Variants in PRTG observed in about 807,000 individuals in gnomAD.
PRTG encodes immunoglobulin superfamily, DCC subclass, member 5.
PRTG carries 67 observed loss-of-function variants against 122.5 expected under a neutral mutation model. The observed-to-expected ratio is 0.55, with a 90% CI of 0.45 to 0.67. The LOEUF is 0.67. PRTG is among the 30% of genes least tolerant of loss of function. The pLI is 0.00. For synonymous variants in PRTG, 554 were observed against 501.1 expected (o/e 1.11, Z -1.41); for missense variants, 1,435 against 1,415.4 (o/e 1.01, Z -0.22).
At chr15:55,649,821 A>G (rs1283373255) in intron 11 of PRTG, among the ~76,000 whole-genome samples, 4 of 80,876 alleles carry the variant, frequency 4.9e-5, no homozygotes, top group Non-Finnish European at 1.2e-4. Flanking sequence ...AAATAAATAA[A>G]TAAATAAATA....
At chr15:55,713,618 T>C (rs1362340810) in intron 2 of PRTG, among the ~76,000 whole-genome samples, 2 of 152,224 alleles carry the variant, frequency 1.3e-5, no homozygotes, top group Non-Finnish European at 2.9e-5. Context: ...TTTTTGTCAA[T>C]TTACTGGATG....
At chr15:55,659,131 G>C (rs1399801532) in intron 11 of PRTG, among the ~76,000 whole-genome samples, 2 of 152,030 alleles carry the variant, frequency 1.3e-5, no homozygotes, top group Non-Finnish European at 2.9e-5. Flanking sequence ...CTAATTCAAG[G>C]GGCCTCCTCT....
At chr15:55,690,956 T>A (rs1221986422) in intron 2 of PRTG, among the ~76,000 whole-genome samples, 1 of 152,142 alleles carries the variant, frequency 6.6e-6, no homozygotes, top group Non-Finnish European at 1.5e-5. Flanking sequence ...GGTAGTCAAC[T>A]TCCAAGACCC....
chr15:55,641,235 T>C (rs369581784), intron 11 of PRTG, 27 bp from the exon 12 acceptor site: 3 of 1,515,890 alleles, frequency 2.0e-6, no homozygotes, highest in Non-Finnish European at 2.7e-6. Context: ...AGGAAATAAT[T>C]AGGACCAGGT....
chr15:55,655,592 G>C (rs2059375127), intron 11 of PRTG: 1 of 152,258 alleles, frequency 6.6e-6, no homozygotes, highest in African/African-American at 2.4e-5. Context: ...TTCCTCAAGT[G>C]GGCTTTGGAC....
intron 2 of PRTG, among the ~76,000 whole-genome samples, chr15:55,722,612 G>A (rs571172139): frequency 7.2e-5 from 11 of 152,324 alleles, no homozygotes; most frequent in African/African-American, 1.9e-4. Context: ...GAACTCAGTC[G>A]TCAAGATTAG....
intron 2 of PRTG, among the ~76,000 whole-genome samples, chr15:55,729,570 T>A (rs1407420220): frequency 6.6e-6 from 1 of 151,830 alleles, no homozygotes; most frequent in Non-Finnish European, 1.5e-5. Context: ...AGCCTGGGCA[T>A]AGCAAGATTC....
rs7179697 is a variant in PRTG at position 55,679,187 on chromosome 15, A to T, written c.1133+99T>A. ...AGTTTCATTTTGTTAATAACTATCA[A>T]GATAATTTAGGTATTTGATATTATT... On this transcript the variant is annotated intron_variant, in intron 7 of 19. Coordinates refer to ENST00000389286, the MANE Select transcript of PRTG (RefSeq NM_173814.6). 6,668 of 737,632 alleles carry T rather than the reference A, an allele frequency of 9.0e-3. 210 individuals are homozygous for T. Among genetic ancestry groups the T allele is most frequent in the African/African-American group, 0.077 (4,333 of 56,008 alleles). The allele number at this position is 737,632 out of a possible 1,614,324, so 45.7% of individuals were successfully genotyped here.
Position 55,624,399 on chromosome 15 carries a change from T to C in PRTG, c.3036A>G (p.Val1012=), listed in dbSNP as rs377227697. The change falls in exon 18 of 20, where the codon GTA becomes GTG. Residue 1012 remains valine, a synonymous_variant. Coordinates refer to ENST00000389286, the MANE Select transcript of PRTG (RefSeq NM_173814.6). ...TTGGCATTAAAGATTCTTCATTTCC[T>C]ACAGCTCCTTCCAGGTTCTTTCCTA... ...NEVGKNLEGA[V]GNEESLMPMI... 10 of 1,614,132 alleles carry C rather than the reference T, an allele frequency of 6.2e-6. No homozygotes were observed. Among genetic ancestry groups the C allele is most frequent in the Non-Finnish European group, 8.5e-6 (10 of 1,179,986 alleles).
chr15:55,640,033 T>C, intron 12 of PRTG: 1 of 800,178 alleles, frequency 1.2e-6, no homozygotes, highest in South Asian at 5.9e-5. Flanking sequence ...CAGTCATGCA[T>C]CACTAAAGAA....
chr15:55,673,425 C>T lies in PRTG; in HGVS notation c.1798G>A (p.Gly600Arg), dbSNP rs1394736206. The change falls in exon 10 of 20, where the codon GGA (glycine) becomes AGA (arginine). Residue 600 changes from glycine to arginine, a missense_variant. Transcript: ENST00000389286. ...TGTGAAGTCCATACTGATGACTCTC[C>T]CAGCCCCACTCTGGTGGCAGCAGTA... ...RITAATRVGL[G>R]ESSVWTSHRT... 6.2e-6 allele frequency: 10 copies of T among 1,613,996 alleles called. No individual in the cohort carries two copies. The highest frequency in any genetic ancestry group is 8.5e-6 in the Non-Finnish European group (10 of 1,180,012).
intron 2 of PRTG, among the ~76,000 whole-genome samples, chr15:55,691,360 G>A (rs1299002005): frequency 1.3e-5 from 2 of 150,990 alleles, no homozygotes; most frequent in Non-Finnish European, 2.9e-5. Context: ...AGTATAAAGT[G>A]AAATGCATTG....
intron 11 of PRTG, among the ~76,000 whole-genome samples, chr15:55,663,630 C>A (rs997825297): frequency 6.6e-6 from 1 of 151,992 alleles, no homozygotes; most frequent in East Asian, 1.9e-4. Flanking sequence ...CAACCTCTGC[C>A]TCCCAGGTTC....
At chr15:55,628,495 G>A (rs955170934) in intron 16 of PRTG, among the ~76,000 whole-genome samples, 10 of 151,820 alleles carry the variant, frequency 6.6e-5, no homozygotes, top group African/African-American at 2.4e-4. Context: ...CACCACTGCT[G>A]TTTATTTCTG....
intron 9 of PRTG, 107 bp downstream of exon 9, chr15:55,675,411 GT>G (rs1392034399): frequency 1.2e-6 from 1 of 812,800 alleles, no homozygotes; most frequent in Non-Finnish European, 1.8e-6. Context: ...TAACATACCT[GT>G]TTTTTAACCA....
rs893899070 is a variant in PRTG, at chr15:55,743,061, G to A, written c.-130C>T. The A allele has an allele frequency of 1.2e-5, 16 of 1,301,564 alleles. No homozygotes were observed. The East Asian group carries it at 2.9e-4, about 24-fold the overall frequency. 80.6% of individuals were successfully genotyped at this position (1,301,564 alleles called of 1,614,324 possible). ...GGCTCCCCGCTCCGGCTCCGGCACC[G>A]GCGTGGCGAGCGTCTCTGCGGCGGC... On this transcript the variant is annotated 5_prime_UTR_variant, in exon 1 of 20. Transcript: ENST00000389286.
At chr15:55,650,404 A>T (rs2059347161) in intron 11 of PRTG, among the ~76,000 whole-genome samples, 1 of 152,208 alleles carries the variant, frequency 6.6e-6, no homozygotes, top group Non-Finnish European at 1.5e-5. Flanking sequence ...ACTTGACCCT[A>T]CAAGAAGCAT....
rs570689672 is a variant in PRTG, at chr15:55,708,532, C to T, written c.398-24601G>A. On this transcript the variant is annotated intron_variant, in intron 2 of 19. Transcript: ENST00000389286. ...CTGAGGCAGGAGAATCGCTTGAACC[C>T]GGGAGGCAGAGTCTGCAGCAAGCCG... Among the ~76,000 whole-genome samples, 18 of 151,736 alleles carry T rather than the reference C, an allele frequency of 1.2e-4. 1 individual carries two copies. The South Asian group carries it at 2.9e-3, about 25-fold the overall frequency.
chr15:55,638,866 T>C (rs991883050), intron 13 of PRTG, among the ~76,000 whole-genome samples, 190 bp from the exon 14 acceptor site: 4 of 152,234 alleles, frequency 2.6e-5, no homozygotes, highest in African/African-American at 9.6e-5. Context: ...TATTGTCCTG[T>C]AGAAATAAGC....
Sources: gnomAD v4.1 joint callset for allele counts (sites outside exome capture counted in the v4.1 genomes callset) on GRCh38, gnomAD v4.1.1 for gene constraint, MANE v1.5 for transcripts, NCBI Gene and HGNC (gene_info 2026-07-23, HGNC 2026-07-21) for gene names.